ADCY10: variants seen among roughly 807,000 people sequenced by gnomAD.
ADCY10 encodes adenylate cyclase 10.
Under a neutral mutation model 183.3 loss-of-function variants are expected in ADCY10, and 156 were observed. That is an observed-to-expected ratio of 0.85 (90% CI 0.75 to 0.97). The LOEUF is 0.97. Ranked by LOEUF, ADCY10 falls within the 50% of genes least tolerant of loss-of-function variation. The pLI is 0.00. For synonymous variants in ADCY10, 645 were observed against 670.0 expected (o/e 0.96, Z 0.58); for missense variants, 1,745 against 1,934.3 (o/e 0.90, Z 1.84).
chr1:167,833,923 G>T, intron 24 of ADCY10, 47 bp downstream of exon 24: 1 of 1,427,434 alleles, frequency 7.0e-7, no homozygotes, highest in Non-Finnish European at 9.8e-7. Flanking sequence ...CTATGGAAAG[G>T]CCTAAGATAT....
In ADCY10 at chr1:167,890,494, A is replaced by G. The variant is rs183713966; in HGVS notation, c.828+3359T>C. On this transcript the variant is annotated intron_variant, in intron 8 of 32. Transcript: ENST00000367851. Reference sequence around the variant, plus strand: ...TTGTGGCTACCATCACTGAGACTGCACTGGGTCAGACCTGAAGCTAGCACA... The same window carrying G: ...TTGTGGCTACCATCACTGAGACTGCGCTGGGTCAGACCTGAAGCTAGCACA... Among the ~76,000 whole-genome samples, 285 of 152,318 alleles carry G rather than the reference A, an allele frequency of 1.9e-3. 2 individuals are homozygous for G. Among genetic ancestry groups the G allele is most frequent in the Non-Finnish European group, 3.5e-3 (235 of 68,034 alleles).
chr1:167,878,005 A>G (rs561826457), intron 12 of ADCY10, among the ~76,000 whole-genome samples: 2 of 152,374 alleles, frequency 1.3e-5, no homozygotes, highest in South Asian at 2.1e-4. Flanking sequence ...AGTGACACCC[A>G]TAAATCTATG....
At chr1:167,840,811 C>A (rs555896586) in intron 21 of ADCY10, among the ~76,000 whole-genome samples, 1 of 152,226 alleles carries the variant, frequency 6.6e-6, no homozygotes, top group Non-Finnish European at 1.5e-5. Flanking sequence ...AAAGATATCA[C>A]CTGCCCACCT....
At chr1:167,903,015 G>A (rs1265902549) in intron 3 of ADCY10, among the ~76,000 whole-genome samples, 2 of 152,224 alleles carry the variant, frequency 1.3e-5, no homozygotes, top group Non-Finnish European at 2.9e-5. Flanking sequence ...AGCACTTTGG[G>A]AGGCTGAGGT....
chr1:167,818,793 C>T (rs1247828780), intron 30 of ADCY10, among the ~76,000 whole-genome samples: 1 of 152,218 alleles, frequency 6.6e-6, no homozygotes, highest in Non-Finnish European at 1.5e-5. Flanking sequence ...CCCGCCTTGG[C>T]CTCCCAAAGT....
At chr1:167,867,615 G>A (rs1321150506) in intron 14 of ADCY10, among the ~76,000 whole-genome samples, 4 of 152,146 alleles carry the variant, frequency 2.6e-5, no homozygotes, top group Admixed American at 2.6e-4. Flanking sequence ...AATGATCACA[G>A]TTTTTTAAAA....
intron 25 of ADCY10, among the ~76,000 whole-genome samples, chr1:167,831,015 C>G (rs1282249148): frequency 6.6e-6 from 1 of 152,198 alleles, no homozygotes; most frequent in Non-Finnish European, 1.5e-5. Flanking sequence ...TGTCTCCTGT[C>G]TCCCCAAATG....
chr1:167,888,891 G>A (rs7528922), intron 8 of ADCY10, among the ~76,000 whole-genome samples: 70,092 of 137,944 alleles, frequency 0.51, 18,668 homozygotes, highest in Middle Eastern at 0.62. Context: ...AAAAAAAAAA[G>A]AAAAAGAAAG....
chr1:167,874,037 A>T (rs1667279563), intron 13 of ADCY10, among the ~76,000 whole-genome samples: 1 of 152,182 alleles, frequency 6.6e-6, no homozygotes, highest in African/African-American at 2.4e-5. Flanking sequence ...CAGGTACTTT[A>T]AAAAAATGTC....
intron 5 of ADCY10, 78 bp from the exon 6 acceptor site, chr1:167,899,706 A>G (rs1669258048): frequency 4.3e-6 from 6 of 1,397,918 alleles, no homozygotes; most frequent in Non-Finnish European, 6.0e-6. Flanking sequence ...TGGAAAAACC[A>G]TAATCTTGGT....
chr1:167,908,733 C>A (rs1215883765), intron 1 of ADCY10, among the ~76,000 whole-genome samples: 2 of 152,116 alleles, frequency 1.3e-5, no homozygotes, highest in Non-Finnish European at 2.9e-5. Flanking sequence ...AGTGAGAGAA[C>A]TAATGCACTG....
chr1:167,827,193 A>G (rs1260580075), intron 26 of ADCY10, among the ~76,000 whole-genome samples: 3 of 150,662 alleles, frequency 2.0e-5, no homozygotes, highest in Non-Finnish European at 3.0e-5. Flanking sequence ...CCTGAGATGG[A>G]GTCTTGCTCT....
chr1:167,839,553 T>C (rs1034572087), intron 21 of ADCY10, among the ~76,000 whole-genome samples: 2 of 152,248 alleles, frequency 1.3e-5, no homozygotes, highest in Admixed American at 1.3e-4. Context: ...CCTTATTATA[T>C]GCAGCCAATA....
At chr1:167,841,395 T>C (rs1464616889) in intron 21 of ADCY10, among the ~76,000 whole-genome samples, 3 of 152,058 alleles carry the variant, frequency 2.0e-5, no homozygotes, top group Non-Finnish European at 2.9e-5. Context: ...TGTCTTTACA[T>C]GAATCTTGCT....
In ADCY10 at chr1:167,824,746, A is replaced by C; in HGVS notation, c.3860T>G (p.Leu1287Arg). 2 of 1,614,200 alleles carry C rather than the reference A, an allele frequency of 1.2e-6. No homozygotes were observed. The highest frequency in any genetic ancestry group is 1.7e-6 in the Non-Finnish European group (2 of 1,180,020). ...CACGATTTCAATGCCCTCGCCTTTC[A>C]GGGGGAGGTTGAAGATGTGCTCCAT... The part of the protein sequence containing the change: ...MAMEHIFNLP[L>R]KGEGIEIVAY... The change falls in exon 27 of 33, where the codon CTG (leucine) becomes CGG (arginine). Residue 1287 changes from leucine to arginine, a missense_variant. Leu to Arg is a moderately radical substitution (Grantham distance 102, BLOSUM62 -2). Coordinates refer to ENST00000367851, the MANE Select transcript of ADCY10 (RefSeq NM_018417.6).
intron 21 of ADCY10, 114 bp downstream of exon 21, chr1:167,845,449 G>T: frequency 9.0e-7 from 1 of 1,106,616 alleles, no homozygotes; most frequent in Non-Finnish European, 1.3e-6. Context: ...CATTCTTTGT[G>T]CCCAAGCCGC....
In ADCY10 at chr1:167,856,217, TGGA is replaced by T. The variant is rs1665878446; in HGVS notation, c.2116_2118del (p.Ser706del). 1 of 1,613,896 alleles carries T rather than the reference TGGA, an allele frequency of 6.2e-7. No homozygotes were observed. The highest frequency in any genetic ancestry group is 8.5e-7 in the Non-Finnish European group (1 of 1,179,842). On this transcript the variant is annotated inframe_deletion, in exon 17 of 33. Coordinates refer to ENST00000367851, the MANE Select transcript of ADCY10 (RefSeq NM_018417.6). The stretch of plus-strand genomic sequence containing the variant: ...ACATTGAGGTCAAGACAGATCTTGT[TGGA>T]GATGTCGTTAGGCTGTACTGCACCA...
chr1:167,832,577 T>C (rs12745424), intron 25 of ADCY10, among the ~76,000 whole-genome samples: 13,383 of 152,186 alleles, frequency 0.088, 657 homozygotes, highest in Middle Eastern at 0.13. Context: ...GGGCTTGCTA[T>C]TTTTCTTTGG....
intron 15 of ADCY10, 54 bp from the exon 16 acceptor site, chr1:167,859,947 C>T (rs954884170): frequency 4.1e-5 from 55 of 1,336,756 alleles, no homozygotes; most frequent in East Asian, 6.9e-5. Context: ...AAGGGAACTA[C>T]TGGCTATGCA....
Sources: allele counts gnomAD v4.1 joint callset (sites outside exome capture counted in the v4.1 genomes callset), GRCh38; gene constraint gnomAD v4.1.1; transcripts MANE v1.5; gene names NCBI Gene and HGNC (gene_info 2026-07-23, HGNC 2026-07-21).